The following PDE10A variants were observed in gnomAD, a reference collection of about 807,000 sequenced individuals.
The protein encoded by PDE10A is phosphodiesterase 10A.
Under a neutral mutation model 97.7 loss-of-function variants are expected in PDE10A, and 39 were observed. The observed-to-expected ratio is 0.40, with a 90% CI of 0.31 to 0.52. The LOEUF is 0.52. Ranked by LOEUF, PDE10A falls within the 20% of genes least tolerant of loss-of-function variation. The probability of loss-of-function intolerance (pLI) is 0.56; values close to 1 mark genes in which losing one functional copy is unlikely to be tolerated. For missense variants in PDE10A, 731 were observed against 1,047.8 expected (o/e 0.70, Z 4.17); for synonymous variants, 371 against 376.8 (o/e 0.98, Z 0.18).
intron 1 of PDE10A, among the ~76,000 whole-genome samples, chr6:165,576,846 A>T (rs1399311725): frequency 6.6e-6 from 1 of 152,218 alleles, no homozygotes; most frequent in African/African-American, 2.4e-5. Flanking sequence ...TCAGACAGTT[A>T]GCCATCATTT....
intron 1 of PDE10A, among the ~76,000 whole-genome samples, chr6:165,786,772 G>A (rs937525473): frequency 6.6e-6 from 1 of 152,118 alleles, no homozygotes; most frequent in Non-Finnish European, 1.5e-5. Flanking sequence ...AACTCTAAAT[G>A]GATCAACTTG....
At chr6:165,543,257 C>A (rs1783557905) in intron 2 of PDE10A, among the ~76,000 whole-genome samples, 183 bp downstream of exon 2, 1 of 152,060 alleles carries the variant, frequency 6.6e-6, no homozygotes. Context: ...AGTCACGGAT[C>A]TTTCTTTTGT....
intron 1 of PDE10A, chr6:165,545,067 C>T: frequency 2.2e-6 from 1 of 444,518 alleles, no homozygotes. Context: ...GCATACTTGA[C>T]CTTTGAGAAG....
chr6:165,407,599 G>T (rs542576837), intron 13 of PDE10A, among the ~76,000 whole-genome samples: 1 of 152,170 alleles, frequency 6.6e-6, no homozygotes, highest in Non-Finnish European at 1.5e-5. Flanking sequence ...ATTCTGGAAC[G>T]AATAAAGGTT....
intron 2 of PDE10A, among the ~76,000 whole-genome samples, chr6:165,487,547 C>A (rs1779990523): frequency 1.3e-5 from 2 of 152,158 alleles, no homozygotes; most frequent in African/African-American, 4.8e-5. Context: ...CATCTGTCTT[C>A]CACAAAACTG....
intron 1 of PDE10A, among the ~76,000 whole-genome samples, chr6:165,668,452 CT>C (rs1258007806): frequency 6.6e-6 from 1 of 152,142 alleles, no homozygotes; most frequent in Non-Finnish European, 1.5e-5. Flanking sequence ...ATAAGTAGCT[CT>C]TCATCTGTTA....
chr6:165,545,270 A>G (rs1783683748), intron 1 of PDE10A: 1 of 482,450 alleles, frequency 2.1e-6, no homozygotes, highest in East Asian at 6.1e-5. Context: ...AGGAATCTTA[A>G]CATATTTTTA....
chr6:165,643,292 C>T (rs569175279), intron 1 of PDE10A, among the ~76,000 whole-genome samples: 110 of 114,230 alleles, frequency 9.6e-4, no homozygotes, highest in Non-Finnish European at 1.6e-3. Context: ...GACAGATGAA[C>T]GGATGGGTGT....
intron 13 of PDE10A, among the ~76,000 whole-genome samples, chr6:165,400,303 T>C (rs116313107): frequency 2.1e-3 from 321 of 151,746 alleles, no homozygotes; most frequent in Middle Eastern, 0.017. Context: ...TTCAATACAA[T>C]GTTAAACATC....
chr6:165,758,736 A>G (rs537542482), intron 1 of PDE10A, among the ~76,000 whole-genome samples: 11 of 151,956 alleles, frequency 7.2e-5, no homozygotes, highest in South Asian at 6.3e-4. Flanking sequence ...GGAGGAGGAG[A>G]AGAAGGAGAG....
intron 10 of PDE10A, among the ~76,000 whole-genome samples, chr6:165,421,132 G>A (rs372413279): frequency 2.6e-5 from 4 of 152,174 alleles, no homozygotes; most frequent in East Asian, 1.9e-4. Context: ...CGAGATTATC[G>A]TCATGGTTGT....
intron 1 of PDE10A, chr6:165,894,230 T>C (rs6456029): frequency 0.48 from 216,839 of 452,072 alleles, 53,094 homozygotes; most frequent in East Asian, 0.67. Context: ...GAATATCATA[T>C]GTCTGTCCTG....
At chr6:165,562,295 T>C (rs1784558982) in intron 1 of PDE10A, among the ~76,000 whole-genome samples, 1 of 152,208 alleles carries the variant, frequency 6.6e-6, no homozygotes, top group Non-Finnish European at 1.5e-5. Context: ...TAGCCTGTTA[T>C]TAAATCTATA....
chr6:165,625,922 C>T (rs981031697), intron 1 of PDE10A, among the ~76,000 whole-genome samples: 10 of 152,170 alleles, frequency 6.6e-5, no homozygotes, highest in Non-Finnish European at 1.5e-4. Flanking sequence ...TGATTCGTTG[C>T]GTTCGGGGGA....
chr6:165,557,924 G>A (rs1170108336), intron 1 of PDE10A, among the ~76,000 whole-genome samples: 2 of 152,206 alleles, frequency 1.3e-5, no homozygotes, highest in Admixed American at 1.3e-4. Flanking sequence ...TAGCTGACGT[G>A]ATTAATTCTA....
intron 1 of PDE10A, among the ~76,000 whole-genome samples, chr6:165,696,651 A>G (rs753661996): frequency 3.9e-4 from 59 of 152,200 alleles, no homozygotes; most frequent in Non-Finnish European, 2.5e-4. Context: ...GGAAAGTATG[A>G]CCCATATACT....
intron 1 of PDE10A, among the ~76,000 whole-genome samples, chr6:165,902,585 C>G (rs1782143960): frequency 6.6e-6 from 1 of 151,336 alleles, no homozygotes; most frequent in Non-Finnish European, 1.5e-5. Flanking sequence ...TTATCTGTGG[C>G]AGCACTGGCT....
chr6:165,924,085 A>G (rs1489989558), intron 1 of PDE10A, among the ~76,000 whole-genome samples: 5 of 152,232 alleles, frequency 3.3e-5, no homozygotes, highest in African/African-American at 1.2e-4. Context: ...GCTATCACAT[A>G]AGGAACACCT....
chr6:165,347,807 C>A (rs1039993335), intron 18 of PDE10A, among the ~76,000 whole-genome samples: 1 of 152,152 alleles, frequency 6.6e-6, no homozygotes, highest in Non-Finnish European at 1.5e-5. Context: ...GCTGCTGCCA[C>A]ATTTGGGAAA....
Sources: allele counts gnomAD v4.1 joint callset (sites outside exome capture counted in the v4.1 genomes callset), GRCh38; gene constraint gnomAD v4.1.1; transcripts MANE v1.5; gene names NCBI Gene and HGNC (gene_info 2026-07-23, HGNC 2026-07-21).